Variants in KSR1 observed in about 807,000 individuals in gnomAD.
KSR1 encodes kinase suppressor of ras 1.
Under a neutral mutation model 92.9 loss-of-function variants are expected in KSR1, and 35 were observed. The ratio of observed to expected loss-of-function variants is 0.38; its 90% CI spans 0.29 to 0.50. The LOEUF (loss-of-function observed/expected upper bound fraction) is 0.50, where lower values mean the gene tolerates loss of function less well. KSR1 is among the 20% of genes least tolerant of loss of function. The pLI, the probability that KSR1 is intolerant of heterozygous loss-of-function variation, is 0.94. For synonymous variants in KSR1, 467 were observed against 472.6 expected (o/e 0.99, Z 0.15); for missense variants, 972 against 1,158.5 (o/e 0.84, Z 2.34).
At chr17:27,536,604 G>A (rs2070760922) in intron 1 of KSR1, among the ~76,000 whole-genome samples, 1 of 152,210 alleles carries the variant, frequency 6.6e-6, no homozygotes, top group African/African-American at 2.4e-5. Context: ...CCCCATGCCT[G>A]CAAGATTGAG....
intron 2 of KSR1, among the ~76,000 whole-genome samples, chr17:27,574,715 A>C (rs1212374760): frequency 6.6e-6 from 1 of 152,200 alleles, no homozygotes; most frequent in African/African-American, 2.4e-5. Context: ...ATGGAATGAC[A>C]ATGAAATTAG....
At chr17:27,604,030 C>A in intron 12 of KSR1, 142 bp downstream of exon 12, 2 of 811,468 alleles carry the variant, frequency 2.5e-6, no homozygotes, top group Non-Finnish European at 4.1e-6. Context: ...ACCCTCTGGG[C>A]AAGTGAACTC....
intron 1 of KSR1, chr17:27,471,939 G>C (rs1464108930): frequency 6.6e-6 from 1 of 152,186 alleles, no homozygotes; most frequent in Non-Finnish European, 1.5e-5. Context: ...TGTGCTGTCA[G>C]CCTTCACCGT....
chr17:27,588,416 G>A lies in KSR1; in HGVS notation c.986-59G>A, dbSNP rs367788647. The A allele has an allele frequency of 7.8e-5, 116 of 1,486,036 alleles. No individual in the cohort carries two copies. In the African/African-American group the frequency reaches 1.5e-3, roughly 20 times the overall value. The allele number at this position is 1,486,036 out of a possible 1,614,324, so 92.1% of individuals were successfully genotyped here. A position where few individuals can be genotyped will look rare whatever the true frequency, so the allele number is the denominator to read the frequency against. On this transcript the variant is annotated intron_variant, in intron 5 of 20. Transcript: ENST00000644974. ...GTGGTCTCTGAATTAGGAAGTCATG[G>A]GCACGAGCTGTCGCCTGCGGAGTTC... is the stretch of plus-strand genomic sequence containing the variant.
chr17:27,471,469 TC>T (rs1168757612), intron 1 of KSR1, among the ~76,000 whole-genome samples: 1 of 152,032 alleles, frequency 6.6e-6, no homozygotes, highest in African/African-American at 2.4e-5. Flanking sequence ...GGAGGAGTGT[TC>T]CCGGCAGAGG....
intron 1 of KSR1, among the ~76,000 whole-genome samples, chr17:27,507,373 C>T (rs1180306828): frequency 6.6e-6 from 1 of 151,598 alleles, no homozygotes; most frequent in Non-Finnish European, 1.5e-5. Flanking sequence ...GTGGAGGTTG[C>T]AGTGAGCCAA....
intron 1 of KSR1, chr17:27,526,852 T>C (rs1354728965): frequency 1.4e-6 from 1 of 701,240 alleles, no homozygotes; most frequent in Non-Finnish European, 2.5e-6. Context: ...GTGGAAGGAG[T>C]GCTCTGCAGG....
chr17:27,554,017 C>T (rs944616052), intron 2 of KSR1, among the ~76,000 whole-genome samples: 2 of 152,290 alleles, frequency 1.3e-5, no homozygotes, highest in South Asian at 2.1e-4. Flanking sequence ...CCACTGCTGC[C>T]CCTGACCCCT....
intron 10 of KSR1, 59 bp downstream of exon 10, chr17:27,597,495 C>T (rs2151207831): frequency 6.6e-7 from 1 of 1,516,284 alleles, no homozygotes; most frequent in East Asian, 2.3e-5. Context: ...CCCTTCTCAG[C>T]AGACCCAAGT....
intron 4 of KSR1, chr17:27,584,072 G>T: frequency 1.4e-6 from 1 of 730,028 alleles, no homozygotes; most frequent in Non-Finnish European, 1.7e-6. Flanking sequence ...TACAAAGATT[G>T]CCCTTGTCAG....
intron 1 of KSR1, among the ~76,000 whole-genome samples, chr17:27,543,321 A>T (rs1251149320): frequency 6.6e-6 from 1 of 152,148 alleles, no homozygotes; most frequent in Non-Finnish European, 1.5e-5. Flanking sequence ...CAGCCATGAC[A>T]CACCATGGAG....
rs569034738 is a variant in KSR1, at chr17:27,597,318, C to T, written c.1350C>T (p.Ser450=). Residue 450 remains serine, a synonymous_variant, in exon 10 of 21, where the codon TCC becomes TCT. Transcript: ENST00000644974. ...TGGACTCCAGCAGCAACCCTTCCTC[C>T]ACCACCTCCTCCACACCCTCCTCAC... ...NHLDSSSNPS[S]TTSSTPSSPA... 3 of 1,609,180 alleles carry T rather than the reference C, an allele frequency of 1.9e-6. No individual in the cohort carries two copies. In the African/African-American group the frequency reaches 4.0e-5, roughly 21 times the overall value.
chr17:27,509,730 C>CT, intron 1 of KSR1, among the ~76,000 whole-genome samples: 1 of 152,292 alleles, frequency 6.6e-6, no homozygotes, highest in East Asian at 1.9e-4. Context: ...GTCCCAGCTA[C>CT]TTAGGAGGCT....
intron 7 of KSR1, among the ~76,000 whole-genome samples, chr17:27,591,424 G>C (rs1166477208): frequency 6.6e-6 from 1 of 152,202 alleles, no homozygotes; most frequent in East Asian, 1.9e-4. Flanking sequence ...CCTAATGCAG[G>C]GAGGCCTCGG....
intron 10 of KSR1, among the ~76,000 whole-genome samples, chr17:27,597,749 G>T (rs2073398555): frequency 6.6e-6 from 1 of 152,150 alleles, no homozygotes; most frequent in Non-Finnish European, 1.5e-5. Context: ...TCATGGGGTG[G>T]CCTCTCCTGG....
At chr17:27,470,861 A>G (rs898302397) in intron 1 of KSR1, among the ~76,000 whole-genome samples, 1 of 136,830 alleles carries the variant, frequency 7.3e-6, no homozygotes, top group Non-Finnish European at 1.5e-5. Flanking sequence ...CTGTGCATTC[A>G]TTCAGTGACT....
chr17:27,458,158 T>C (rs2019268949), intron 1 of KSR1, among the ~76,000 whole-genome samples: 1 of 152,214 alleles, frequency 6.6e-6, no homozygotes, highest in African/African-American at 2.4e-5. Flanking sequence ...AAAGCTGTAC[T>C]GACCAAGGCT....
At chr17:27,617,202 G>A in intron 18 of KSR1, 93 bp from the exon 19 acceptor site, 1 of 1,377,212 alleles carries the variant, frequency 7.3e-7, no homozygotes. Context: ...GGGCACTTGA[G>A]AACATCAAAG....
At chr17:27,562,528 GCTTTGGTGTAGTGTGTGC>G (rs1440728213) in intron 2 of KSR1, among the ~76,000 whole-genome samples, 1 of 152,226 alleles carries the variant, frequency 6.6e-6, no homozygotes, top group African/African-American at 2.4e-5. Flanking sequence ...CCATGAGATG[GCTTTGGTGTAGTGTGTGC>G]CTGAGCCCCC....
Sources: gnomAD v4.1 joint callset for allele counts (sites outside exome capture counted in the v4.1 genomes callset) on GRCh38, gnomAD v4.1.1 for gene constraint, MANE v1.5 for transcripts, NCBI Gene and HGNC (gene_info 2026-07-23, HGNC 2026-07-21) for gene names.